Variants in SPAG16 observed in about 807,000 individuals in gnomAD.
The protein encoded by SPAG16 is sperm associated antigen 16.
A neutral mutation model predicts 80.4 loss-of-function variants in SPAG16; 86 were observed. That is an observed-to-expected ratio of 1.07 (90% CI 0.90 to 1.28). The LOEUF (loss-of-function observed/expected upper bound fraction) is 1.28, where lower values mean the gene tolerates loss of function less well. Among genes scored for constraint, SPAG16 ranks in the 50% most tolerant of loss-of-function variants. The pLI is 0.00. For missense variants in SPAG16, 870 were observed against 765.3 expected, an observed-to-expected ratio of 1.14 and a Z score of -1.61; for synonymous variants, 294 against 265.9, an observed-to-expected ratio of 1.11 and a Z score of -1.03.
intron 10 of SPAG16, among the ~76,000 whole-genome samples, chr2:213,800,138 T>C (rs2071292774): frequency 6.6e-6 from 1 of 152,176 alleles, no homozygotes; most frequent in South Asian, 2.1e-4. Flanking sequence ...CATTATTTTA[T>C]TTGCTGCAAT....
At chr2:213,425,444 G>A (rs1278512534) in intron 9 of SPAG16, among the ~76,000 whole-genome samples, 1 of 152,138 alleles carries the variant, frequency 6.6e-6, no homozygotes, top group East Asian at 1.9e-4. Flanking sequence ...GAGGTCAGGA[G>A]TTTGAGATCA....
chr2:213,972,119 T>C (rs935842665), intron 12 of SPAG16, among the ~76,000 whole-genome samples: 7 of 151,822 alleles, frequency 4.6e-5, no homozygotes, highest in Non-Finnish European at 8.8e-5. Flanking sequence ...TCAGTTACCA[T>C]TGTGATTTTG....
intron 10 of SPAG16, among the ~76,000 whole-genome samples, chr2:213,492,624 A>C (rs987375796): frequency 6.6e-6 from 1 of 151,822 alleles, no homozygotes; most frequent in African/African-American, 2.4e-5. Flanking sequence ...GAATCTTAGT[A>C]AGTCTACAAT....
intron 13 of SPAG16, among the ~76,000 whole-genome samples, chr2:214,019,067 C>T (rs953238867): frequency 1.9e-5 from 2 of 104,634 alleles, no homozygotes; most frequent in African/African-American, 6.7e-5. Context: ...TATTTTTCTT[C>T]AAAGTTGAAG....
At chr2:214,331,572 A>T (rs1696918661) in intron 15 of SPAG16, among the ~76,000 whole-genome samples, 1 of 152,202 alleles carries the variant, frequency 6.6e-6, no homozygotes, top group Non-Finnish European at 1.5e-5. Context: ...CTCTGGATTT[A>T]TATATTCCTA....
intron 9 of SPAG16, among the ~76,000 whole-genome samples, chr2:213,396,386 A>G (rs867408677): frequency 6.6e-6 from 1 of 152,198 alleles, no homozygotes; most frequent in Non-Finnish European, 1.5e-5. Flanking sequence ...CAATTTTATA[A>G]TTTTCCCCAT....
chr2:213,509,847 A>G (rs2075152300), intron 10 of SPAG16, among the ~76,000 whole-genome samples: 1 of 151,886 alleles, frequency 6.6e-6, no homozygotes, highest in Non-Finnish European at 1.5e-5. Flanking sequence ...TTGAGACACA[A>G]AAAACCCTTC....
rs559421333 is a variant in SPAG16, at chr2:213,775,032, G to A, written c.1071-87453G>A. On this transcript the variant is annotated intron_variant, in intron 10 of 15. Transcript: ENST00000331683. ...TTGTTTCTAAATTTTCTCAAGACTTGTCAAAAAGAGTTTGTTAGTGAGCTC... is the reference window on the plus strand; with the variant it reads ...TTGTTTCTAAATTTTCTCAAGACTTATCAAAAAGAGTTTGTTAGTGAGCTC... Among the ~76,000 whole-genome samples the A allele has an allele frequency of 2.0e-5, 3 of 152,232 alleles. No homozygotes were observed. In the East Asian group the frequency reaches 5.8e-4, roughly 29 times the overall value.
chr2:214,030,466 G>A (rs1020235130), intron 13 of SPAG16, among the ~76,000 whole-genome samples: 1 of 152,042 alleles, frequency 6.6e-6, no homozygotes, highest in Non-Finnish European at 1.5e-5. Context: ...TCTTACTTTG[G>A]CATTGTATAT....
rs866563727 is a variant in SPAG16, at chr2:213,537,178, G to T, written c.1070+47088G>T. Among the ~76,000 whole-genome samples, 159 of 106,100 alleles carry T rather than the reference G, an allele frequency of 1.5e-3. No homozygotes were observed. The Middle Eastern group carries it at 0.042, about 28-fold the overall frequency. 69.6% of individuals were successfully genotyped at this position (106,100 alleles called of 152,430 possible). A position where few individuals can be genotyped will look rare whatever the true frequency, so the allele number is the denominator to read the frequency against. On this transcript the variant is annotated intron_variant, in intron 10 of 15. Transcript: ENST00000331683. ...GGACTGTTGCGGGGTGGGGGGAGGG[G>T]GGAGGGATAGCTTTAGGAGATATAC...
At chr2:214,218,843 G>C (rs1207858562) in intron 15 of SPAG16, among the ~76,000 whole-genome samples, 1 of 152,154 alleles carries the variant, frequency 6.6e-6, no homozygotes, top group Non-Finnish European at 1.5e-5. Context: ...CTGACTCTCA[G>C]CACCTCCATC....
chr2:213,601,137 G>A (rs1397567249), intron 10 of SPAG16, among the ~76,000 whole-genome samples: 5 of 152,098 alleles, frequency 3.3e-5, no homozygotes, highest in Non-Finnish European at 7.4e-5. Flanking sequence ...CAATGGTTTT[G>A]AAAAAAGTTT....
Position 214,018,836 on chromosome 2 carries a change from A to T in SPAG16, c.1527+4759A>T, listed in dbSNP as rs1370733175. ...AAACCTCCTTCTCCCACTCTCAAAC[A>T]TATACTCGTTTTAAATCATTAATAT... On this transcript the variant is annotated intron_variant, in intron 13 of 15. Transcript: ENST00000331683. Among the ~76,000 whole-genome samples the T allele has an allele frequency of 4.6e-5, 7 of 152,280 alleles. No homozygotes were observed. The South Asian group carries it at 1.0e-3, about 23-fold the overall frequency.
At chr2:214,159,706 G>C (rs1305839595) in intron 15 of SPAG16, among the ~76,000 whole-genome samples, 1 of 151,834 alleles carries the variant, frequency 6.6e-6, no homozygotes, top group Non-Finnish European at 1.5e-5. Flanking sequence ...AATAAAAATT[G>C]TTTAAAGTCA....
Position 213,860,126 on chromosome 2 carries a change from AC to A in SPAG16, c.1071-2358del, listed in dbSNP as rs540952436. ...CTTCCCTCCCACAGGAGTGATTTGA[AC>A]TGAGATTTGGAACTCCTCCCTGGGG... On this transcript the variant is annotated intron_variant, in intron 10 of 15. Coordinates refer to ENST00000331683, the MANE Select transcript of SPAG16 (RefSeq NM_024532.5). 5.3e-4 allele frequency among the ~76,000 whole-genome samples: 81 copies of A among 152,008 alleles called. 2 individuals are homozygous for A. In the South Asian group the frequency reaches 8.7e-3, roughly 16 times the overall value.
intron 10 of SPAG16, among the ~76,000 whole-genome samples, chr2:213,757,020 A>T (rs1177113452): frequency 1.3e-5 from 2 of 152,212 alleles, no homozygotes; most frequent in Non-Finnish European, 2.9e-5. Context: ...AGAATTAATA[A>T]ATGTATTCAG....
intron 9 of SPAG16, among the ~76,000 whole-genome samples, chr2:213,478,670 C>G (rs1314306250): frequency 6.6e-6 from 1 of 152,108 alleles, no homozygotes; most frequent in Non-Finnish European, 1.5e-5. Context: ...CTGCTATTTG[C>G]ACATTAATAC....
chr2:213,776,655 TGTTTA>T lies in SPAG16; in HGVS notation c.1071-85826_1071-85822del, dbSNP rs772201922. Reference sequence around the variant, plus strand: ...AAAGTTTTTTTTTCTTATTCTCCCATGTTTAGTTCGCTAGGTTAGTTTTATAAGAA... The same window carrying T: ...AAAGTTTTTTTTTCTTATTCTCCCATGTTCGCTAGGTTAGTTTTATAAGAA... On this transcript the variant is annotated intron_variant, in intron 10 of 15. Coordinates refer to ENST00000331683, the MANE Select transcript of SPAG16 (RefSeq NM_024532.5). Among the ~76,000 whole-genome samples, 8 of 152,178 alleles carry T rather than the reference TGTTTA, an allele frequency of 5.3e-5. No individual in the cohort carries two copies. In the East Asian group the frequency reaches 1.5e-3, roughly 29 times the overall value.
intron 5 of SPAG16, among the ~76,000 whole-genome samples, chr2:213,323,179 G>A (rs1043616595): frequency 6.6e-6 from 1 of 152,180 alleles, no homozygotes; most frequent in African/African-American, 2.4e-5. Flanking sequence ...GGTGGCTTAC[G>A]CCTGTAATCC....
Sources: gnomAD v4.1 joint callset for allele counts (sites outside exome capture counted in the v4.1 genomes callset) on GRCh38, gnomAD v4.1.1 for gene constraint, MANE v1.5 for transcripts, NCBI Gene and HGNC (gene_info 2026-07-23, HGNC 2026-07-21) for gene names.